The following ARHGAP32 variants were observed in gnomAD, a reference collection of about 807,000 sequenced individuals.
ARHGAP32 encodes rho GTPase-activating protein 32.
Under a neutral mutation model 186.5 loss-of-function variants are expected in ARHGAP32, and 51 were observed. That is an observed-to-expected ratio of 0.27 (90% CI 0.22 to 0.35). ARHGAP32 has a LOEUF of 0.35. ARHGAP32 is among the 10% of genes least tolerant of loss of function. The probability of loss-of-function intolerance (pLI) is 1.00; values close to 1 mark genes in which losing one functional copy is unlikely to be tolerated. For synonymous variants in ARHGAP32, 950 were observed against 964.3 expected (o/e 0.99, Z 0.27); for missense variants, 2,186 against 2,623.5 (o/e 0.83, Z 3.64).
chr11:129,096,526 C>T (rs902325031), intron 5 of ARHGAP32, among the ~76,000 whole-genome samples: 1 of 151,986 alleles, frequency 6.6e-6, no homozygotes, highest in Admixed American at 6.6e-5. Flanking sequence ...TATACCCCCC[C>T]GGCCCCGCCC....
chr11:129,182,740 C>T (rs1393841981), intron 1 of ARHGAP32, among the ~76,000 whole-genome samples: 1 of 151,498 alleles, frequency 6.6e-6, no homozygotes. Context: ...AACTCCTGGG[C>T]TCAAGAGATC....
Position 129,204,163 on chromosome 11 carries a change from C to T in ARHGAP32, c.-4-39736G>A, listed in dbSNP as rs373764020. 1.1e-4 allele frequency among the ~76,000 whole-genome samples: 16 copies of T among 151,420 alleles called. No homozygotes were observed. The East Asian group carries it at 1.5e-3, about 15-fold the overall frequency. On this transcript the variant is annotated intron_variant, in intron 1 of 6. Coordinates refer to the ARHGAP32 transcript ENST00000525234. The stretch of plus-strand genomic sequence containing the variant: ...ATCAGCTATATTACACATTTTAGGA[C>T]CTTAGAAAATTGTGGTCTTATCATA...
chr11:128,994,152 T>C (rs918567318), intron 12 of ARHGAP32, among the ~76,000 whole-genome samples: 13 of 150,960 alleles, frequency 8.6e-5, no homozygotes, highest in African/African-American at 2.9e-4. Context: ...CTCTCTTTCA[T>C]TTTTTTTTCT....
At position 129,066,848 on chromosome 11, in the gene ARHGAP32, T is replaced by C; in HGVS notation, c.552A>G (p.Lys184=). ...IACQGKSWIV[K]RSYEDFRVLD... ...GTACCCGAAAATCTTCATAACTTCT[T>C]TTAACAATCCAACTTTTTCCCTATT... The change falls in exon 7 of 23, where the codon AAA becomes AAG. Residue 184 remains lysine (K), a synonymous_variant. Coordinates refer to ENST00000682385, the MANE Select transcript of ARHGAP32 (RefSeq NM_001378024.1). 1 of 1,607,772 alleles carries C rather than the reference T, an allele frequency of 6.2e-7. No individual in the cohort carries two copies. Among genetic ancestry groups the C allele is most frequent in the Non-Finnish European group, 8.5e-7 (1 of 1,176,496 alleles).
chr11:129,268,482 A>G (rs1457992110), intron 1 of ARHGAP32, among the ~76,000 whole-genome samples: 1 of 152,088 alleles, frequency 6.6e-6, no homozygotes, highest in Non-Finnish European at 1.5e-5. Context: ...AGGAATTCTG[A>G]TATTAGAGAA....
intron 1 of ARHGAP32, among the ~76,000 whole-genome samples, chr11:129,236,557 C>T (rs940404113): frequency 6.6e-6 from 1 of 152,076 alleles, no homozygotes; most frequent in African/African-American, 2.4e-5. Flanking sequence ...TGTGCAAAAC[C>T]TTTTTTGTTG....
At chr11:129,085,394 A>G (rs1398879577) in intron 6 of ARHGAP32, among the ~76,000 whole-genome samples, 4 of 152,202 alleles carry the variant, frequency 2.6e-5, no homozygotes, top group East Asian at 3.9e-4. Context: ...ACAGACAGCT[A>G]TATATCTAAC....
chr11:129,064,085 T>C (rs2135147388), intron 8 of ARHGAP32, 61 bp from the exon 9 acceptor site: 1 of 1,437,726 alleles, frequency 7.0e-7, no homozygotes, highest in East Asian at 2.4e-5. Flanking sequence ...CTTCTTTGAC[T>C]ATCTATAAAA....
intron 2 of ARHGAP32, among the ~76,000 whole-genome samples, chr11:129,160,143 T>C (rs1222284077): frequency 2.6e-5 from 4 of 152,226 alleles, no homozygotes; most frequent in South Asian, 4.2e-4. Flanking sequence ...ACAGCCAATA[T>C]CATACTGAAA....
chr11:129,216,210 T>C (rs61911033), intron 1 of ARHGAP32, among the ~76,000 whole-genome samples: 25,470 of 152,056 alleles, frequency 0.17, 2,426 homozygotes, highest in Non-Finnish European at 0.21. Flanking sequence ...AAACACACCA[T>C]GCAGAGTAAC....
At chr11:129,245,532 T>C (rs1726594801) in intron 1 of ARHGAP32, among the ~76,000 whole-genome samples, 1 of 150,416 alleles carries the variant, frequency 6.6e-6, no homozygotes, top group African/African-American at 2.4e-5. Flanking sequence ...CGCACCAGCA[T>C]GGCACATGTA....
chr11:129,139,390 C>A (rs192916139), intron 2 of ARHGAP32, among the ~76,000 whole-genome samples: 87 of 152,246 alleles, frequency 5.7e-4, no homozygotes, highest in Non-Finnish European at 5.4e-4. Context: ...GCTTCCCCTG[C>A]CCAATCGATT....
At chr11:129,046,037 T>C (rs1392362950) in intron 10 of ARHGAP32, among the ~76,000 whole-genome samples, 1 of 152,148 alleles carries the variant, frequency 6.6e-6, no homozygotes, top group Non-Finnish European at 1.5e-5. Context: ...TACCATGGTG[T>C]GCTGGTAAAT....
chr11:129,264,905 C>T (rs1390820301), intron 1 of ARHGAP32, among the ~76,000 whole-genome samples: 1 of 152,164 alleles, frequency 6.6e-6, no homozygotes, highest in Non-Finnish European at 1.5e-5. Context: ...AATCAATCAA[C>T]ACAACTCTTC....
At chr11:129,191,317 A>ATT (rs371065057) in intron 1 of ARHGAP32, among the ~76,000 whole-genome samples, 34,509 of 151,996 alleles carry the variant, frequency 0.23, 4,743 homozygotes, top group Middle Eastern at 0.35. Context: ...TTACATCGCT[A>ATT]ACTCTGAAAG....
chr11:129,266,970 G>A lies in ARHGAP32; in HGVS notation c.-5+12176C>T, dbSNP rs138328547. On this transcript the variant is annotated intron_variant, in intron 1 of 6. Coordinates refer to the ARHGAP32 transcript ENST00000525234. ...CCCTAGGCCAAAGAATGGCCAAAGA[G>A]CTGCTGTTTGGAGGGTGTACAGGCT... is the stretch of plus-strand genomic sequence containing the variant. Among the ~76,000 whole-genome samples the A allele has an allele frequency of 6.0e-4, 92 of 152,322 alleles. 1 individual carries two copies. In the East Asian group the frequency reaches 0.017, roughly 29 times the overall value.
intron 5 of ARHGAP32, among the ~76,000 whole-genome samples, chr11:129,099,599 A>G (rs1941832048): frequency 6.6e-6 from 1 of 152,232 alleles, no homozygotes; most frequent in East Asian, 1.9e-4. Flanking sequence ...AAGGATGGAA[A>G]AAGATATTCC....
intron 5 of ARHGAP32, among the ~76,000 whole-genome samples, chr11:129,099,430 G>A (rs1013319668): frequency 6.6e-6 from 1 of 152,170 alleles, no homozygotes; most frequent in Non-Finnish European, 1.5e-5. Context: ...TGTATGGTAG[G>A]CTATACCTAT....
chr11:129,074,775 A>G (rs1409114814), intron 6 of ARHGAP32, among the ~76,000 whole-genome samples: 1 of 152,210 alleles, frequency 6.6e-6, no homozygotes, highest in Non-Finnish European at 1.5e-5. Context: ...TACAGGCATG[A>G]GCCACCACAC....
Sources: allele counts gnomAD v4.1 joint callset (sites outside exome capture counted in the v4.1 genomes callset), GRCh38; gene constraint gnomAD v4.1.1; transcripts MANE v1.5; gene names NCBI Gene and HGNC (gene_info 2026-07-23, HGNC 2026-07-21).